The following DMTN variants were observed in gnomAD, a reference collection of about 807,000 sequenced individuals.
DMTN encodes the protein dematin.
In DMTN, 27 loss-of-function variants were observed where a neutral mutation model predicts 59.4. The observed-to-expected ratio is 0.45, with a 90% confidence interval of 0.33 to 0.63. The LOEUF is 0.63. Among genes scored for constraint, DMTN ranks in the 20% least tolerant of loss-of-function variants. DMTN has a pLI of 0.02. For synonymous variants in DMTN, 221 were observed against 203.7 expected (o/e 1.08, Z -0.72); for missense variants, 451 against 528.9 (o/e 0.85, Z 1.45).
At chr8:22,051,236 G>T (rs900571610), upstream of DMTN, among the ~76,000 whole-genome samples, 2 of 152,144 alleles carry the variant, frequency 1.3e-5, no homozygotes, top group African/African-American at 4.8e-5. Context: ...CAAGTCTCAC[G>T]CCAGTTTGGG....
At chr8:22,061,152 GTACTCC>G in intron 1 of DMTN, among the ~76,000 whole-genome samples, 1 of 151,830 alleles carries the variant, frequency 6.6e-6, no homozygotes, top group Non-Finnish European at 1.5e-5. Context: ...GTGTTGTGGA[GTACTCC>G]TGTAGTCCCA....
intron 1 of DMTN, among the ~76,000 whole-genome samples, chr8:22,061,397 A>C (rs1363582584): frequency 6.6e-6 from 1 of 152,176 alleles, no homozygotes; most frequent in Non-Finnish European, 1.5e-5. Context: ...GACTGTGACC[A>C]TCAGGATTTT....
chr8:22,080,116 G>A, intron 10 of DMTN, 64 bp from the exon 11 acceptor site: 1 of 1,589,726 alleles, frequency 6.3e-7, no homozygotes, highest in Non-Finnish European at 8.6e-7. Flanking sequence ...CAGTGAGGTT[G>A]CTGTCTCAGG....
chr8:22,069,965 C>CAGCA (rs1813971504), intron 7 of DMTN, 28 bp downstream of exon 7: 1 of 1,612,748 alleles, frequency 6.2e-7, no homozygotes, highest in Non-Finnish European at 8.5e-7. Context: ...TCACCAGAGC[C>CAGCA]TGCTTCCGGC....
At chr8:22,065,661 G>A (rs1448863536) in intron 1 of DMTN, among the ~76,000 whole-genome samples, 1 of 151,950 alleles carries the variant, frequency 6.6e-6, no homozygotes, top group African/African-American at 2.4e-5. Flanking sequence ...TGGCCGATAT[G>A]GTGAAACCCC....
chr8:22,064,596 C>T (rs1809066116), intron 1 of DMTN, among the ~76,000 whole-genome samples: 1 of 152,126 alleles, frequency 6.6e-6, no homozygotes, highest in Non-Finnish European at 1.5e-5. Flanking sequence ...GTAGCTGGGA[C>T]TACAGGCGCC....
chr8:22,056,244 G>T (rs914479208), upstream of DMTN, among the ~76,000 whole-genome samples: 1 of 152,290 alleles, frequency 6.6e-6, no homozygotes, highest in Non-Finnish European at 1.5e-5. Flanking sequence ...GGGGATTCAG[G>T]TTACTGAGGG....
In DMTN at chr8:22,082,348, C is replaced by T. The variant is rs1387053727; in HGVS notation, c.*885C>T. ...GCTTTCCTCACCTGCCCCTGCCCTA[C>T]CTTACACCCCCAGCTTGACTTCTTT... On this transcript the variant is annotated 3_prime_UTR_variant, in exon 16 of 16. Coordinates refer to ENST00000358242, the MANE Select transcript of DMTN (RefSeq NM_001387751.1). 1.2e-5 allele frequency: 5 copies of T among 404,264 alleles called. No homozygotes were observed. Among genetic ancestry groups the T allele is most frequent in the Non-Finnish European group, 2.5e-5 (5 of 199,774 alleles). The allele number at this position is 404,264 out of a possible 1,614,324, so 25.0% of individuals were successfully genotyped here. A position where few individuals can be genotyped will look rare whatever the true frequency, so the allele number is the denominator to read the frequency against.
In DMTN at chr8:22,060,946, C is replaced by T. The variant is rs535143072; in HGVS notation, c.-172+3810C>T. Reference sequence around the variant, plus strand: ...CAAACGAGGTACTCGCCAATCCAAGCCAACCCACAAGATTGGAATGTAAGG... The same window carrying T: ...CAAACGAGGTACTCGCCAATCCAAGTCAACCCACAAGATTGGAATGTAAGG... On this transcript the variant is annotated intron_variant, in intron 1 of 15. Coordinates refer to ENST00000358242, the MANE Select transcript of DMTN (RefSeq NM_001387751.1). The surrounding 1 kb of genome is among the most constrained non-coding windows in gnomAD (Gnocchi z 5.0). Among the ~76,000 whole-genome samples the T allele has an allele frequency of 6.6e-6, 1 of 152,276 alleles. No individual in the cohort carries two copies. Among genetic ancestry groups the T allele is most frequent in the Admixed American group, 6.5e-5 (1 of 15,296 alleles).
chr8:22,065,827 C>CT (rs76626050), intron 1 of DMTN, among the ~76,000 whole-genome samples: 21 of 74,592 alleles, frequency 2.8e-4, no homozygotes, highest in African/African-American at 1.1e-3. Flanking sequence ...AGAGCAAGAC[C>CT]TTTTTTTTTT....
In DMTN at chr8:22,070,328, G is replaced by A. The variant is rs1039927953; in HGVS notation, c.598G>A (p.Val200Ile). 6.2e-7 allele frequency: 1 copy of A among 1,607,000 alleles called. No individual in the cohort carries two copies. The highest frequency in any genetic ancestry group is 8.5e-7 in the Non-Finnish European group (1 of 1,176,372). Residue 200 changes from valine (V) to isoleucine (I), a missense_variant, in exon 8 of 16, where the codon GTT becomes ATT. Transcript: ENST00000358242. ...DYWPCPPSLA[V>I]VETEWRKRKA... ...CTGGCCATGCCCCCCGTCTCTGGCT[G>A]TTGTGGGTAGGAGAGATGGGGAGAG...
chr8:22,057,096 C>G lies in DMTN; in HGVS notation c.-212C>G, dbSNP rs977456429. The G allele has an allele frequency of 6.6e-6, 1 of 152,358 alleles. No individual in the cohort carries two copies. Among genetic ancestry groups the G allele is most frequent in the African/African-American group, 2.4e-5 (1 of 41,466 alleles). 9.4% of individuals were successfully genotyped at this position (152,358 alleles called of 1,614,324 possible). A position where few individuals can be genotyped will look rare whatever the true frequency, so the allele number is the denominator to read the frequency against. On this transcript the variant is annotated 5_prime_UTR_variant, in exon 1 of 16. Transcript: ENST00000358242. ...GATCTGGCCTACGCCTCTCGGGCCTCTGTGGCCTCAGAGCGTCTGGGCCAC... is the reference window on the plus strand; with the variant it reads ...GATCTGGCCTACGCCTCTCGGGCCTGTGTGGCCTCAGAGCGTCTGGGCCAC...
intron 1 of DMTN, among the ~76,000 whole-genome samples, chr8:22,063,920 G>C (rs138065576): frequency 2.6e-5 from 4 of 152,306 alleles, no homozygotes; most frequent in Non-Finnish European, 4.4e-5. Context: ...TCATCTTTCT[G>C]TTCTCCATAA....
At chr8:22,065,571 G>A (rs564244849) in intron 1 of DMTN, among the ~76,000 whole-genome samples, 8 of 152,156 alleles carry the variant, frequency 5.3e-5, no homozygotes, top group African/African-American at 1.7e-4. Flanking sequence ...GGCTGGGCGC[G>A]GTGGCTCACG....
At position 22,070,312 on chromosome 8, in the gene DMTN, C is replaced by G; in HGVS notation, c.582C>G (p.Cys194Trp). Residue 194 changes from cysteine to tryptophan, a missense_variant, in exon 8 of 16, where the codon TGC (cysteine) becomes TGG (tryptophan). Physicochemically the swap from Cys to Trp is radical, Grantham distance 215. Transcript: ENST00000358242. ...PAKIETDYWP[C>W]PPSLAVVETE... ...AAATCGAAACCGACTACTGGCCATG[C>G]CCCCCGTCTCTGGCTGTTGTGGGTA... is the stretch of plus-strand genomic sequence containing the variant. The G allele has an allele frequency of 6.2e-7, 1 of 1,610,502 alleles. No individual in the cohort carries two copies. The highest frequency in any genetic ancestry group is 8.5e-7 in the Non-Finnish European group (1 of 1,178,080).
In DMTN at chr8:22,067,622, C is replaced by T. The variant is rs1459369947; in HGVS notation, c.189C>T (p.Ile63=). ...ILDIERPDLM[I]YEPHFTYSLL... ...ACATCGAGCGGCCCGACCTCATGAT[C>T]TACGAGCCTCACTTCACTTATTCCC... The change falls in exon 4 of 16, where the codon ATC becomes ATT. Residue 63 remains isoleucine (I), a synonymous_variant. Transcript: ENST00000358242. 6.2e-7 allele frequency: 1 copy of T among 1,614,176 alleles called. No homozygotes were observed. Among genetic ancestry groups the T allele is most frequent in the South Asian group, 1.1e-5 (1 of 91,088 alleles).
At chr8:22,067,052 G>A (rs1226707147) in intron 2 of DMTN, 33 bp from the exon 3 acceptor site, 6 of 1,350,796 alleles carry the variant, frequency 4.4e-6, no homozygotes, top group Admixed American at 2.1e-5. Context: ...ACACACGCAC[G>A]TGCCCACCCG....
chr8:22,053,977 C>T (rs1001252471), upstream of DMTN, among the ~76,000 whole-genome samples: 2 of 152,134 alleles, frequency 1.3e-5, no homozygotes, highest in Admixed American at 1.3e-4. Context: ...CAGAGGCCTT[C>T]CCAGGGGGAG....
chr8:22,075,055 C>T (rs987515237), intron 10 of DMTN, among the ~76,000 whole-genome samples: 5 of 151,712 alleles, frequency 3.3e-5, no homozygotes, highest in East Asian at 2.0e-4. Flanking sequence ...GGCATGGTGG[C>T]GCATGTCTGT....
Sources: allele counts gnomAD v4.1 joint callset (sites outside exome capture counted in the v4.1 genomes callset), GRCh38; gene constraint gnomAD v4.1.1; non-coding constraint Gnocchi (gnomAD v3.1); transcripts MANE v1.5; gene names NCBI Gene and HGNC (gene_info 2026-07-23, HGNC 2026-07-21).